AOAH: variants seen among roughly 807,000 people sequenced by gnomAD.
The protein encoded by AOAH is acyloxyacyl hydrolase (neutrophil).
A neutral mutation model predicts 92.2 loss-of-function variants in AOAH; 64 were observed. That is an observed-to-expected ratio of 0.69 (90% CI 0.57 to 0.86). AOAH has a LOEUF of 0.86. AOAH is among the 40% of genes least tolerant of loss of function. AOAH has a pLI of 0.00. For synonymous variants in AOAH, 263 were observed against 254.5 expected, an observed-to-expected ratio of 1.03 and a Z score of -0.32; for missense variants, 656 against 694.6, an observed-to-expected ratio of 0.94 and a Z score of 0.62.
intron 13 of AOAH, among the ~76,000 whole-genome samples, chr7:36,572,497 T>A (rs938898640): frequency 6.6e-5 from 10 of 150,522 alleles, no homozygotes; most frequent in Admixed American, 4.6e-4. Flanking sequence ...TGCTCCAGCC[T>A]GAGTGACAGA....
intron 4 of AOAH, among the ~76,000 whole-genome samples, chr7:36,658,136 T>C (rs1444712290): frequency 6.6e-6 from 1 of 152,194 alleles, no homozygotes; most frequent in Non-Finnish European, 1.5e-5. Context: ...GGAAATTTAA[T>C]TCGCACTTAG....
At position 36,512,987 on chromosome 7, in the gene AOAH, G is replaced by A. The variant is rs1232673727; in HGVS notation, c.*265C>T. On this transcript the variant is annotated 3_prime_UTR_variant, in exon 21 of 21. Transcript: ENST00000617537. The stretch of plus-strand genomic sequence containing the variant: ...AGAACAATTAGCTGTAAAGGGCACA[G>A]ATACTCTCTTGTTTGGAATGGCACC... The A allele has an allele frequency of 7.0e-6, 10 of 1,435,386 alleles. No homozygotes were observed. The highest frequency in any genetic ancestry group is 1.3e-5 in the South Asian group (1 of 78,714). 88.9% of individuals were successfully genotyped at this position (1,435,386 alleles called of 1,614,324 possible).
intron 4 of AOAH, among the ~76,000 whole-genome samples, chr7:36,638,368 A>C (rs1038755142): frequency 6.6e-6 from 1 of 152,186 alleles, no homozygotes; most frequent in Non-Finnish European, 1.5e-5. Flanking sequence ...GCAGTGAAGA[A>C]TGGCTGATTG....
In AOAH at chr7:36,635,151, A is replaced by G. The variant is rs950157467; in HGVS notation, c.450+2700T>C. On this transcript the variant is annotated intron_variant, in intron 5 of 20. Coordinates refer to ENST00000617537, the MANE Select transcript of AOAH (RefSeq NM_001637.4). ...CCTTTCAATTTGAACTTTGCTAGAT[A>G]GAGACAAAATGTGGGCTGTTATTAA... 3.3e-5 allele frequency among the ~76,000 whole-genome samples: 5 copies of G among 152,346 alleles called. No individual in the cohort carries two copies. In the South Asian group the frequency reaches 1.0e-3, roughly 32 times the overall value.
intron 6 of AOAH, among the ~76,000 whole-genome samples, chr7:36,629,649 A>T (rs1792929949): frequency 1.3e-5 from 2 of 152,182 alleles, no homozygotes; most frequent in African/African-American, 4.8e-5. Flanking sequence ...TTATGCCAGA[A>T]GATTGGCTAG....
rs140735725 is a variant in AOAH at position 36,609,736 on chromosome 7, C to T, written c.846+6644G>A. 6.1e-3 allele frequency among the ~76,000 whole-genome samples: 932 copies of T among 152,088 alleles called. 39 individuals carry two copies. Among genetic ancestry groups the T allele is most frequent in the Admixed American group, 0.057 (863 of 15,262 alleles). On this transcript the variant is annotated intron_variant, in intron 11 of 20. Transcript: ENST00000617537. The stretch of plus-strand genomic sequence containing the variant: ...AATGGCTCTAGAACTGCTACTTCTT[C>T]GTCCGCATTGCCCCATGGGGTTTTA...
intron 2 of AOAH, among the ~76,000 whole-genome samples, chr7:36,686,029 T>C (rs998460615): frequency 3.3e-5 from 5 of 152,080 alleles, no homozygotes; most frequent in African/African-American, 1.2e-4. Flanking sequence ...ATTAAGTGAA[T>C]AAAAATTTGA....
At chr7:36,682,106 A>C (rs186626467) in intron 2 of AOAH, among the ~76,000 whole-genome samples, 1 of 152,372 alleles carries the variant, frequency 6.6e-6, no homozygotes, top group Admixed American at 6.5e-5. Flanking sequence ...TGCCCAATCA[A>C]TAGCTGGTGA....
intron 3 of AOAH, among the ~76,000 whole-genome samples, chr7:36,672,793 A>G (rs1322103693): frequency 6.6e-6 from 1 of 152,192 alleles, no homozygotes; most frequent in African/African-American, 2.4e-5. Flanking sequence ...AAAAAAAAAT[A>G]GAATGTTCCT....
intron 4 of AOAH, among the ~76,000 whole-genome samples, chr7:36,642,650 G>T (rs1793987249): frequency 6.6e-6 from 1 of 152,228 alleles, no homozygotes; most frequent in African/African-American, 2.4e-5. Flanking sequence ...AGGGCCAAGT[G>T]CTCATCACCA....
chr7:36,607,836 C>T (rs527728500), intron 11 of AOAH, among the ~76,000 whole-genome samples: 2 of 152,296 alleles, frequency 1.3e-5, no homozygotes, highest in East Asian at 1.9e-4. Flanking sequence ...GTGTGATTGC[C>T]TCTAGCCGGG....
chr7:36,673,125 T>C (rs1796026501), intron 3 of AOAH, among the ~76,000 whole-genome samples: 1 of 152,164 alleles, frequency 6.6e-6, no homozygotes, highest in Non-Finnish European at 1.5e-5. Flanking sequence ...CTTATTTCAG[T>C]ATTCAAAGTA....
At position 36,606,248 on chromosome 7, in the gene AOAH, G is replaced by C. The variant is rs200946918; in HGVS notation, c.846+10132C>G. Among the ~76,000 whole-genome samples, 7 of 152,274 alleles carry C rather than the reference G, an allele frequency of 4.6e-5. No individual in the cohort carries two copies. In the East Asian group the frequency reaches 1.4e-3, roughly 29 times the overall value. ...TGAGTGAGCGTAGGGTGACAGCTTC[G>C]ATACTGCCTGTGCTGTTTGTGGGTT... is the stretch of plus-strand genomic sequence containing the variant. On this transcript the variant is annotated intron_variant, in intron 11 of 20. Coordinates refer to ENST00000617537, the MANE Select transcript of AOAH (RefSeq NM_001637.4).
chr7:36,584,690 G>T (rs2116711698), intron 12 of AOAH, among the ~76,000 whole-genome samples: 1 of 152,226 alleles, frequency 6.6e-6, no homozygotes, highest in East Asian at 1.9e-4. Flanking sequence ...AATTCCAAGG[G>T]TTTAACTTAC....
At chr7:36,704,521 C>T (rs1258018284) in intron 1 of AOAH, among the ~76,000 whole-genome samples, 1 of 152,146 alleles carries the variant, frequency 6.6e-6, no homozygotes, top group African/African-American at 2.4e-5. Flanking sequence ...CCCAAAAAAG[C>T]CCAGGACCAG....
chr7:36,646,761 A>G (rs1478324313), intron 4 of AOAH, among the ~76,000 whole-genome samples: 3 of 152,084 alleles, frequency 2.0e-5, no homozygotes, highest in African/African-American at 4.8e-5. Flanking sequence ...ATGGCTCTGA[A>G]CACTGCCTCT....
At chr7:36,526,213 C>A (rs941793504) in intron 19 of AOAH, among the ~76,000 whole-genome samples, 1 of 152,252 alleles carries the variant, frequency 6.6e-6, no homozygotes, top group Admixed American at 6.5e-5. Context: ...AAAGAAAATG[C>A]TCCAAGTTTA....
At chr7:36,648,947 G>A (rs971380376) in intron 4 of AOAH, among the ~76,000 whole-genome samples, 6 of 152,078 alleles carry the variant, frequency 3.9e-5, no homozygotes, top group East Asian at 3.9e-4. Flanking sequence ...ATTATACAAC[G>A]TTACAACCAA....
At position 36,620,843 on chromosome 7, in the gene AOAH, A is replaced by G; in HGVS notation, c.654-14T>C. ...CAGTTGTTCGGCCTAAGAAAAAAAC[A>G]TTAACATTGGTCTTTGACATATGCT... On this transcript the variant is annotated splice_polypyrimidine_tract_variant and intron_variant, in intron 8 of 20. Coordinates refer to ENST00000617537, the MANE Select transcript of AOAH (RefSeq NM_001637.4). The G allele has an allele frequency of 6.2e-7, 1 of 1,613,546 alleles. No individual in the cohort carries two copies. The highest frequency in any genetic ancestry group is 8.5e-7 in the Non-Finnish European group (1 of 1,179,572).
Sources: allele counts gnomAD v4.1 joint callset (sites outside exome capture counted in the v4.1 genomes callset), GRCh38; gene constraint gnomAD v4.1.1; transcripts MANE v1.5; gene names NCBI Gene and HGNC (gene_info 2026-07-23, HGNC 2026-07-21).